The following GPR15LG variants were observed in gnomAD, a reference collection of about 807,000 sequenced individuals.
The protein encoded by GPR15LG is protein GPR15LG.
chr10:84,176,505 G>C, the GPR15LG span: 4 of 1,613,672 alleles, frequency 2.5e-6, no homozygotes. Context: ...CCAAGGCCTG[G>C]TCAGGCAGGA....
At chr10:84,182,162 TA>T in the GPR15LG span, among the ~76,000 whole-genome samples, 1 of 152,126 alleles carries the variant, frequency 6.6e-6, no homozygotes, top group African/African-American at 2.4e-5. Context: ...CCGTTGAGGA[TA>T]TGAGGTTTTC....
chr10:84,183,411 A>G, the GPR15LG span, among the ~76,000 whole-genome samples: 1 of 152,208 alleles, frequency 6.6e-6, no homozygotes, highest in African/African-American at 2.4e-5. Flanking sequence ...AGAAAGAATA[A>G]TCTCATGACC....
chr10:84,181,403 C>T, the GPR15LG span, among the ~76,000 whole-genome samples: 1 of 151,004 alleles, frequency 6.6e-6, no homozygotes, highest in Non-Finnish European at 1.5e-5. Flanking sequence ...AAATTTATAG[C>T]AATCTGTATA....
At chr10:84,176,327 A>C in the GPR15LG span, among the ~76,000 whole-genome samples, 1 of 151,478 alleles carries the variant, frequency 6.6e-6, no homozygotes, top group Non-Finnish European at 1.5e-5. Flanking sequence ...GTAAATCACA[A>C]CAAGGCCCAC....
the GPR15LG span, among the ~76,000 whole-genome samples, chr10:84,174,360 A>AT: frequency 3.3e-5 from 5 of 152,150 alleles, no homozygotes; most frequent in Non-Finnish European, 7.3e-5. Flanking sequence ...TGCCCAGAAA[A>AT]TATCCATGAG....
the GPR15LG span, chr10:84,173,819 C>G: frequency 2.6e-6 from 4 of 1,527,784 alleles, no homozygotes; most frequent in African/African-American, 5.5e-5. Flanking sequence ...AGCACAGCTC[C>G]CTTCCCAGGA....
chr10:84,176,439 C>A, the GPR15LG span: 3 of 1,412,158 alleles, frequency 2.1e-6, no homozygotes, highest in Non-Finnish European at 3.0e-6. Flanking sequence ...CACAGACAAG[C>A]CCACTAAAGA....
the GPR15LG span, among the ~76,000 whole-genome samples, chr10:84,181,392 A>G: frequency 2.0e-5 from 3 of 151,852 alleles, no homozygotes; most frequent in South Asian, 6.2e-4. Flanking sequence ...GAGTATTTAG[A>G]AAATTTATAG....
At chr10:84,183,360 C>T in the GPR15LG span, among the ~76,000 whole-genome samples, 1 of 152,136 alleles carries the variant, frequency 6.6e-6, no homozygotes, top group Non-Finnish European at 1.5e-5. Flanking sequence ...ATCTTAATTA[C>T]CACACCACAT....
the GPR15LG span, among the ~76,000 whole-genome samples, chr10:84,174,212 T>C: frequency 6.6e-6 from 1 of 152,212 alleles, no homozygotes; most frequent in South Asian, 2.1e-4. Context: ...TAGATTACTG[T>C]GCTTAAGTCC....
chr10:84,175,149 C>T, the GPR15LG span, among the ~76,000 whole-genome samples: 1 of 152,210 alleles, frequency 6.6e-6, no homozygotes, highest in Admixed American at 6.5e-5. Flanking sequence ...GTGTCAGCAG[C>T]AGCCATCTCT....
chr10:84,184,808 C>T, the GPR15LG span: 1 of 1,611,782 alleles, frequency 6.2e-7, no homozygotes. Flanking sequence ...AACCTCATGC[C>T]TGGCACCTGA....
the GPR15LG span, chr10:84,176,390 A>G: frequency 1.1e-6 from 1 of 914,814 alleles, no homozygotes; most frequent in South Asian, 1.3e-5. Context: ...CTCTGGATAA[A>G]TATTCCTGAG....
the GPR15LG span, among the ~76,000 whole-genome samples, chr10:84,179,314 A>T: frequency 0.014 from 2,111 of 152,274 alleles, 42 homozygotes; most frequent in African/African-American, 0.048. Flanking sequence ...CCCCGTAAAC[A>T]TGTCCTGCTG....
At chr10:84,178,204 A>G in the GPR15LG span, among the ~76,000 whole-genome samples, 1 of 151,584 alleles carries the variant, frequency 6.6e-6, no homozygotes, top group African/African-American at 2.4e-5. Context: ...CACATACTAC[A>G]TGCACTCTAC....
At chr10:84,176,296 C>T in the GPR15LG span, among the ~76,000 whole-genome samples, 1 of 151,574 alleles carries the variant, frequency 6.6e-6, no homozygotes, top group Non-Finnish European at 1.5e-5. Flanking sequence ...ATGTGTCTCC[C>T]AACATTGTTA....
the GPR15LG span, among the ~76,000 whole-genome samples, chr10:84,180,640 C>G: frequency 2.0e-5 from 3 of 149,822 alleles, no homozygotes; most frequent in Admixed American, 6.6e-5. Flanking sequence ...ACATCCCAGA[C>G]GATGGGTGGC....
the GPR15LG span, among the ~76,000 whole-genome samples, chr10:84,179,318 C>A: frequency 6.6e-6 from 1 of 152,312 alleles, no homozygotes; most frequent in Admixed American, 6.5e-5. Context: ...GTAAACATGT[C>A]CTGCTGTTGC....
the GPR15LG span, chr10:84,184,680 G>A: frequency 6.2e-7 from 1 of 1,613,960 alleles, no homozygotes; most frequent in Non-Finnish European, 8.5e-7. Context: ...GCTCCTCCCA[G>A]GACATCATGT....
Sources: allele counts gnomAD v4.1 joint callset (sites outside exome capture counted in the v4.1 genomes callset), GRCh38; gene constraint gnomAD v4.1.1; transcripts MANE v1.5; gene names NCBI Gene and HGNC (gene_info 2026-07-23, HGNC 2026-07-21).